The following GPHN variants were observed in gnomAD, a reference collection of about 807,000 sequenced individuals.
The protein encoded by GPHN is gephyrin.
In GPHN, 17 loss-of-function variants were observed where a neutral mutation model predicts 95.5. That is an observed-to-expected ratio of 0.18 (90% CI 0.12 to 0.27). GPHN has a LOEUF of 0.27. GPHN is among the 10% of genes least tolerant of loss of function. GPHN has a pLI of 1.00. For missense variants in GPHN, 660 were observed against 978.1 expected (o/e 0.67, Z 4.34); for synonymous variants, 320 against 322.5 (o/e 0.99, Z 0.08).
chr14:67,335,441 C>A, the GPHN span: 1 of 152,374 alleles, frequency 6.6e-6, no homozygotes, highest in African/African-American at 2.4e-5. Flanking sequence ...ATGCTATGTA[C>A]TTGGAAAATC....
the GPHN span, among the ~76,000 whole-genome samples, chr14:67,351,116 A>C: frequency 2.0e-5 from 3 of 152,254 alleles, no homozygotes; most frequent in Non-Finnish European, 4.4e-5. Flanking sequence ...AAACTGGGTC[A>C]GCTGGGTAGG....
chr14:67,687,467 CTTTTT>C, the GPHN span, among the ~76,000 whole-genome samples: 3 of 79,696 alleles, frequency 3.8e-5, no homozygotes, highest in African/African-American at 9.0e-5. Context: ...CTCCATATTC[CTTTTT>C]TTTTTTTTTT....
At chr14:66,509,226 C>T (rs1594765714) in intron 1 of GPHN, 1 of 153,128 alleles carries the variant, frequency 6.5e-6, no homozygotes, top group Non-Finnish European at 1.5e-5. Context: ...AAGTGTCTGC[C>T]TTCTGCCTTT....
the GPHN span, chr14:67,692,727 G>T: frequency 9.4e-7 from 1 of 1,062,046 alleles, no homozygotes; most frequent in Non-Finnish European, 1.4e-6. Flanking sequence ...TATCTGATTA[G>T]CAAATAGGTA....
the GPHN span, among the ~76,000 whole-genome samples, chr14:67,308,279 T>A: frequency 1.3e-5 from 2 of 149,018 alleles, no homozygotes. Flanking sequence ...GCCAACCTAA[T>A]ACTTAGACAA....
At chr14:66,698,508 T>A (rs1364024899) in intron 2 of GPHN, among the ~76,000 whole-genome samples, 1 of 152,232 alleles carries the variant, frequency 6.6e-6, no homozygotes, top group East Asian at 1.9e-4. Flanking sequence ...TTATTCTGAA[T>A]CAGGGAAATC....
intron 1 of GPHN, among the ~76,000 whole-genome samples, chr14:66,639,293 TA>T (rs907375867): frequency 2.0e-5 from 3 of 151,988 alleles, no homozygotes; most frequent in East Asian, 1.9e-4. Flanking sequence ...GCTAAAGGTT[TA>T]AAAAAAATTC....
the GPHN span, among the ~76,000 whole-genome samples, chr14:67,700,091 G>A: frequency 6.6e-6 from 1 of 151,772 alleles, no homozygotes; most frequent in South Asian, 2.1e-4. Context: ...AGTGAGCTGA[G>A]ATGATGCCAC....
intron 9 of GPHN, among the ~76,000 whole-genome samples, chr14:67,014,772 CA>C (rs2073207655): frequency 6.6e-6 from 1 of 151,992 alleles, no homozygotes; most frequent in Non-Finnish European, 1.5e-5. Flanking sequence ...TCCTCTTAGC[CA>C]AAAATACTTC....
chr14:67,325,049 T>C, the GPHN span, among the ~76,000 whole-genome samples: 10 of 151,666 alleles, frequency 6.6e-5, no homozygotes, highest in African/African-American at 2.2e-4. Context: ...GGACTACAGG[T>C]GCCCACCATC....
intron 5 of GPHN, among the ~76,000 whole-genome samples, chr14:66,900,676 A>T (rs955391720): frequency 6.6e-6 from 1 of 152,000 alleles, no homozygotes. Context: ...TTCATTTAAC[A>T]TAATGACTTT....
chr14:67,600,396 T>A, the GPHN span: 2 of 538,950 alleles, frequency 3.7e-6, no homozygotes, highest in Admixed American at 3.8e-5. Context: ...CGGCCTTGAC[T>A]GTCTTCGAAA....
chr14:67,407,806 C>T, the GPHN span, among the ~76,000 whole-genome samples: 1 of 152,040 alleles, frequency 6.6e-6, no homozygotes, highest in Non-Finnish European at 1.5e-5. Context: ...CTCTATAACC[C>T]TGAGAAAAGC....
chr14:66,959,778 T>C (rs2068773663), intron 8 of GPHN, among the ~76,000 whole-genome samples: 1 of 152,114 alleles, frequency 6.6e-6, no homozygotes, highest in Non-Finnish European at 1.5e-5. Flanking sequence ...TTTCATCAAA[T>C]TTGGGAAGTT....
chr14:67,089,233 C>A (rs1301655277), intron 12 of GPHN, among the ~76,000 whole-genome samples, 158 bp downstream of exon 12: 1 of 139,112 alleles, frequency 7.2e-6, no homozygotes, highest in African/African-American at 2.6e-5. Flanking sequence ...TAACTTCATT[C>A]ACAGATAACC....
the GPHN span, chr14:67,223,959 T>C: frequency 1.0e-6 from 1 of 985,210 alleles, no homozygotes; most frequent in Non-Finnish European, 1.2e-6. Context: ...TAATTCTAAT[T>C]TATATTATAG....
At chr14:66,994,104 G>A (rs1042730770) in intron 9 of GPHN, among the ~76,000 whole-genome samples, 4 of 152,090 alleles carry the variant, frequency 2.6e-5, no homozygotes, top group Non-Finnish European at 5.9e-5. Context: ...AGTGGCTCAC[G>A]CCTGTAATTC....
chr14:66,722,759 AAAC>A (rs2070877346), intron 2 of GPHN, among the ~76,000 whole-genome samples: 1 of 152,134 alleles, frequency 6.6e-6, no homozygotes, highest in South Asian at 2.1e-4. Flanking sequence ...GCTTATTAAA[AAAC>A]AACAACAACA....
the GPHN span, among the ~76,000 whole-genome samples, chr14:67,520,811 A>G: frequency 2.0e-5 from 3 of 152,176 alleles, no homozygotes; most frequent in Non-Finnish European, 4.4e-5. Flanking sequence ...TAAATTTCCA[A>G]CTCCTTTGGG....
Sources: allele counts gnomAD v4.1 joint callset (sites outside exome capture counted in the v4.1 genomes callset), GRCh38; gene constraint gnomAD v4.1.1; transcripts MANE v1.5; gene names NCBI Gene and HGNC (gene_info 2026-07-23, HGNC 2026-07-21).